Variants in CSNK2A2 observed in about 807,000 individuals in gnomAD.
The protein encoded by CSNK2A2 is casein kinase II subunit alpha'.
CSNK2A2 carries 8 observed loss-of-function variants against 54.0 expected under a neutral mutation model. The observed-to-expected ratio is 0.15, with a 90% CI of 0.09 to 0.27. The LOEUF (loss-of-function observed/expected upper bound fraction) is 0.27, where lower values mean the gene tolerates loss of function less well. Among genes scored for constraint, CSNK2A2 ranks in the 10% least tolerant of loss-of-function variants. CSNK2A2 has a pLI of 1.00. For synonymous variants in CSNK2A2, 141 were observed against 153.9 expected, an observed-to-expected ratio of 0.92 and a Z score of 0.62; for missense variants, 242 against 439.4, an observed-to-expected ratio of 0.55 and a Z score of 4.02.
chr16:58,184,884 A>G (rs1202375781), intron 3 of CSNK2A2, among the ~76,000 whole-genome samples: 2 of 152,220 alleles, frequency 1.3e-5, no homozygotes, highest in African/African-American at 2.4e-5. Flanking sequence ...GATATTATCA[A>G]TAAGCTATAC....
At chr16:58,183,358 CAA>C (rs1962110834) in intron 4 of CSNK2A2, among the ~76,000 whole-genome samples, 1 of 145,216 alleles carries the variant, frequency 6.9e-6, no homozygotes, top group African/African-American at 2.6e-5. Flanking sequence ...GCCTGGGTGA[CAA>C]AAGCGAAACT....
chr16:58,177,574 C>T (rs1231408992), intron 4 of CSNK2A2, among the ~76,000 whole-genome samples: 1 of 152,128 alleles, frequency 6.6e-6, no homozygotes, highest in Admixed American at 6.5e-5. Flanking sequence ...TCACCATGAG[C>T]CACAGATCTG....
rs917984550 is a variant in CSNK2A2, at chr16:58,198,023, G to A, written c.-287C>T. The A allele has an allele frequency of 1.4e-5, 2 of 145,348 alleles. No homozygotes were observed. Among genetic ancestry groups the A allele is most frequent in the African/African-American group, 5.0e-5 (2 of 40,212 alleles). The allele number at this position is 145,348 out of a possible 1,614,324, so 9.0% of individuals were successfully genotyped here. On this transcript the variant is annotated 5_prime_UTR_variant, in exon 1 of 12. Coordinates refer to ENST00000262506, the MANE Select transcript of CSNK2A2 (RefSeq NM_001896.4). Reference sequence around the variant, plus strand: ...TCTCCGCTCGGCTCGCGGCCCCCAGGAGGCGGCGGCGGCGGCACCGGCAGC... The same window carrying A: ...TCTCCGCTCGGCTCGCGGCCCCCAGAAGGCGGCGGCGGCGGCACCGGCAGC...
intron 4 of CSNK2A2, among the ~76,000 whole-genome samples, chr16:58,182,594 G>A (rs180688882): frequency 6.6e-6 from 1 of 151,606 alleles, no homozygotes; most frequent in East Asian, 1.9e-4. Context: ...AAATGCTGAG[G>A]TGAAATTTTA....
intron 2 of CSNK2A2, among the ~76,000 whole-genome samples, chr16:58,192,012 A>G (rs1369104488): frequency 1.3e-5 from 2 of 152,222 alleles, no homozygotes; most frequent in Non-Finnish European, 2.9e-5. Context: ...ATACTCTCTC[A>G]GGAAAGAAAA....
chr16:58,180,281 C>T (rs780578575), intron 4 of CSNK2A2, among the ~76,000 whole-genome samples: 22 of 151,008 alleles, frequency 1.5e-4, no homozygotes, highest in Non-Finnish European at 2.8e-4. Flanking sequence ...AGATTAACGA[C>T]AGATCTCTAG....
At chr16:58,164,844 C>T (rs1961518174) in intron 10 of CSNK2A2, among the ~76,000 whole-genome samples, 1 of 152,246 alleles carries the variant, frequency 6.6e-6, no homozygotes. Flanking sequence ...CAGAGGAAAT[C>T]AAAGGAGAGG....
chr16:58,182,070 C>CA (rs1220406342), intron 4 of CSNK2A2, among the ~76,000 whole-genome samples: 1 of 151,772 alleles, frequency 6.6e-6, no homozygotes, highest in African/African-American at 2.4e-5. Flanking sequence ...ATGCAAGCTT[C>CA]AAAAAAACAT....
At chr16:58,191,740 C>T (rs1962326787) in intron 2 of CSNK2A2, among the ~76,000 whole-genome samples, 1 of 152,146 alleles carries the variant, frequency 6.6e-6, no homozygotes, top group South Asian at 2.1e-4. Context: ...ATTAGGAGAA[C>T]ACTACAACCC....
chr16:58,183,782 G>C (rs1030597364), intron 4 of CSNK2A2, among the ~76,000 whole-genome samples: 3 of 152,088 alleles, frequency 2.0e-5, no homozygotes, highest in Admixed American at 2.0e-4. Flanking sequence ...ACCCGATAGG[G>C]CTCTTCTAAA....
At chr16:58,192,994 T>C (rs1962354345) in intron 2 of CSNK2A2, 1 of 152,268 alleles carries the variant, frequency 6.6e-6, no homozygotes, top group African/African-American at 2.4e-5. Context: ...CCCAGTACAA[T>C]GCTGGAAACG....
intron 11 of CSNK2A2, chr16:58,162,116 G>A (rs1961397721): frequency 6.6e-6 from 1 of 152,138 alleles, no homozygotes; most frequent in Non-Finnish European, 1.5e-5. Context: ...AGTGGGGTGG[G>A]GTGATAAAGG....
At chr16:58,192,078 G>C (rs908859928) in intron 2 of CSNK2A2, among the ~76,000 whole-genome samples, 1 of 152,162 alleles carries the variant, frequency 6.6e-6, no homozygotes, top group Non-Finnish European at 1.5e-5. Flanking sequence ...TCTATCTATA[G>C]TTTATCTGAC....
chr16:58,187,498 TTCTA>T (rs1433214877), intron 2 of CSNK2A2, among the ~76,000 whole-genome samples: 2 of 152,222 alleles, frequency 1.3e-5, no homozygotes, highest in Admixed American at 6.5e-5. Flanking sequence ...GACTGAACAC[TTCTA>T]TCTAACTTTT....
At chr16:58,172,825 T>C (rs1256447233) in intron 5 of CSNK2A2, among the ~76,000 whole-genome samples, 1 of 152,146 alleles carries the variant, frequency 6.6e-6, no homozygotes, top group Non-Finnish European at 1.5e-5. Flanking sequence ...CAAAAATAAG[T>C]ATATGTCCTC....
rs1312828746 is a variant in CSNK2A2 at position 58,165,681 on chromosome 16, A to G, written c.855T>C (p.Phe285=). The change falls in exon 10 of 12, where the codon TTT becomes TTC. Residue 285 remains phenylalanine (F), a synonymous_variant. Coordinates refer to ENST00000262506, the MANE Select transcript of CSNK2A2 (RefSeq NM_001896.4). ...CAAGGTGTCTGTTCTCACTATGGAT[A>G]AAGTTTTCCCAGCGTTTCCGTGAAT... ...GQHSRKRWEN[F]IHSENRHLVS... The G allele has an allele frequency of 6.2e-7, 1 of 1,611,310 alleles. No homozygotes were observed. The highest frequency in any genetic ancestry group is 8.5e-7 in the Non-Finnish European group (1 of 1,179,340).
intron 6 of CSNK2A2, among the ~76,000 whole-genome samples, 161 bp downstream of exon 6, chr16:58,168,449 T>C (rs1156664691): frequency 6.6e-6 from 1 of 152,234 alleles, no homozygotes; most frequent in Non-Finnish European, 1.5e-5. Flanking sequence ...TACTACACTA[T>C]ACAAAGTAGA....
chr16:58,167,596 A>T, intron 7 of CSNK2A2, 89 bp downstream of exon 7: 1 of 978,240 alleles, frequency 1.0e-6, no homozygotes, highest in Non-Finnish European at 1.6e-6. Flanking sequence ...CTGGGTTTTG[A>T]GTGTATTCAA....
At chr16:58,187,215 A>C (rs1481519193) in intron 2 of CSNK2A2, among the ~76,000 whole-genome samples, 1 of 151,548 alleles carries the variant, frequency 6.6e-6, no homozygotes, top group African/African-American at 2.4e-5. Context: ...TCATGCACTC[A>C]CAAATGGAAA....
Sources: gnomAD v4.1 joint callset for allele counts (sites outside exome capture counted in the v4.1 genomes callset) on GRCh38, gnomAD v4.1.1 for gene constraint, MANE v1.5 for transcripts, NCBI Gene and HGNC (gene_info 2026-07-23, HGNC 2026-07-21) for gene names.